Variants in WDFY4 observed in about 807,000 individuals in gnomAD.
WDFY4 encodes the protein WDFY family member 4, also known as WD repeat- and FYVE domain-containing protein 4.
WDFY4 carries 169 observed loss-of-function variants against 351.9 expected under a neutral mutation model. The observed-to-expected ratio is 0.48, with a 90% confidence interval of 0.42 to 0.55. The LOEUF is 0.55. Among genes scored for constraint, WDFY4 ranks in the 20% least tolerant of loss-of-function variants. The pLI is 0.00. For synonymous variants in WDFY4, 1,622 were observed against 1,574.6 expected (o/e 1.03, Z -0.71); for missense variants, 3,803 against 3,935.6 (o/e 0.97, Z 0.90).
intron 1 of WDFY4, among the ~76,000 whole-genome samples, chr10:48,700,994 G>T: frequency 6.6e-6 from 1 of 152,050 alleles, no homozygotes; most frequent in East Asian, 1.9e-4. Flanking sequence ...GTATATTCAC[G>T]TTGTTGTACA....
At chr10:48,876,868 T>C (rs2070034699) in intron 42 of WDFY4, among the ~76,000 whole-genome samples, 165 bp from the exon 43 acceptor site, 1 of 152,190 alleles carries the variant, frequency 6.6e-6, no homozygotes, top group Non-Finnish European at 1.5e-5. Context: ...AGATGTGTGG[T>C]GTCCATTTCC....
chr10:48,795,633 A>C (rs1400353811), intron 23 of WDFY4, among the ~76,000 whole-genome samples: 4 of 151,386 alleles, frequency 2.6e-5, no homozygotes, highest in African/African-American at 9.7e-5. Flanking sequence ...GAGGACAGGG[A>C]GAAAGGGCGG....
intron 35 of WDFY4, among the ~76,000 whole-genome samples, chr10:48,824,530 T>G (rs2067932024): frequency 6.6e-6 from 1 of 152,264 alleles, no homozygotes; most frequent in Non-Finnish European, 1.5e-5. Context: ...CTTTCAACTT[T>G]TTTTAACACA....
chr10:48,836,198 C>A (rs1045959610), intron 39 of WDFY4, among the ~76,000 whole-genome samples: 1 of 152,208 alleles, frequency 6.6e-6, no homozygotes, highest in African/African-American at 2.4e-5. Flanking sequence ...ATTATTACAG[C>A]TGATTACACC....
chr10:48,704,931 C>A (rs930009457), intron 1 of WDFY4, among the ~76,000 whole-genome samples: 3 of 141,762 alleles, frequency 2.1e-5, no homozygotes, highest in Non-Finnish European at 3.1e-5. Flanking sequence ...GTGACCTGTG[C>A]CAAGCTGACT....
At chr10:48,785,259 TTGTTAGATA>T (rs1231177301) in intron 19 of WDFY4, among the ~76,000 whole-genome samples, 2 of 152,144 alleles carry the variant, frequency 1.3e-5, no homozygotes, top group Non-Finnish European at 2.9e-5. Context: ...CACTAGTCCT[TTGTTAGATA>T]TGTGATTTGC....
In WDFY4 at chr10:48,762,967, G is replaced by A. The variant is rs565809407; in HGVS notation, c.2553+2527G>A. Reference sequence around the variant, plus strand: ...TGTGTAGGTGAGAGATGCCTATGGGGAAATATCTTCAAAGATCAGCAGCTG... The same window carrying A: ...TGTGTAGGTGAGAGATGCCTATGGGAAAATATCTTCAAAGATCAGCAGCTG... On this transcript the variant is annotated intron_variant, in intron 13 of 61. Transcript: ENST00000325239. 3.9e-5 allele frequency among the ~76,000 whole-genome samples: 6 copies of A among 152,330 alleles called. No individual in the cohort carries two copies. In the South Asian group the frequency reaches 1.0e-3, roughly 26 times the overall value.
At position 48,760,464 on chromosome 10, in the gene WDFY4, T is replaced by C. The variant is rs900858548; in HGVS notation, c.2553+24T>C. 78 of 1,548,146 alleles carry C rather than the reference T, an allele frequency of 5.0e-5. No individual in the cohort carries two copies. In the Admixed American group the frequency reaches 1.5e-3, roughly 30 times the overall value. ...AGGTACCTGGTGTTGAATATGTGTG[T>C]TTTGTCATCTTCACATGACTGATCT... is the stretch of plus-strand genomic sequence containing the variant. On this transcript the variant is annotated intron_variant, in intron 13 of 61. Coordinates refer to ENST00000325239, the MANE Select transcript of WDFY4 (RefSeq NM_001394531.1).
intron 47 of WDFY4, chr10:48,914,206 A>T (rs1286121703): frequency 1.9e-6 from 3 of 1,556,588 alleles, no homozygotes; most frequent in African/African-American, 2.7e-5. Flanking sequence ...TTGGATAGTG[A>T]TCAGTGTGAG....
chr10:48,832,390 T>A (rs2068219693), intron 38 of WDFY4, among the ~76,000 whole-genome samples, 183 bp from the exon 39 acceptor site: 1 of 152,232 alleles, frequency 6.6e-6, no homozygotes, highest in Admixed American at 6.5e-5. Context: ...AAGCCCACAG[T>A]GTTTCTTAGC....
At chr10:48,954,459 C>T (rs1841489087) in intron 51 of WDFY4, among the ~76,000 whole-genome samples, 2 of 152,240 alleles carry the variant, frequency 1.3e-5, no homozygotes, top group African/African-American at 4.8e-5. Flanking sequence ...ACTTTGTTCC[C>T]TTCCAAGTTC....
chr10:48,773,685 G>C lies in WDFY4; in HGVS notation c.2554-773G>C, dbSNP rs113679743. On this transcript the variant is annotated intron_variant, in intron 13 of 61. Coordinates refer to ENST00000325239, the MANE Select transcript of WDFY4 (RefSeq NM_001394531.1). ...TAGGACTGAGGGACAGGCACAGGAT[G>C]ATGGGAGGGTGGGCGGAGGGAGATG... is the stretch of plus-strand genomic sequence containing the variant. 8.3e-4 allele frequency among the ~76,000 whole-genome samples: 127 copies of C among 152,346 alleles called. 1 individual carries two copies. Among genetic ancestry groups the C allele is most frequent in the African/African-American group, 3.0e-3 (125 of 41,568 alleles).
chr10:48,810,447 G>A lies in WDFY4; in HGVS notation c.4839-83G>A, dbSNP rs1325710905. ...TTAACTTGCCTCTCCTTGGTGACTT[G>A]TAAGGCTGGACATTTCATATTTTCT... On this transcript the variant is annotated intron_variant, in intron 28 of 61. Coordinates refer to ENST00000325239, the MANE Select transcript of WDFY4 (RefSeq NM_001394531.1). 5.1e-6 allele frequency: 7 copies of A among 1,359,908 alleles called. No homozygotes were observed. In the Admixed American group the frequency reaches 1.9e-4, roughly 37 times the overall value. 84.2% of individuals were successfully genotyped at this position (1,359,908 alleles called of 1,614,324 possible). A position where few individuals can be genotyped will look rare whatever the true frequency, so the allele number is the denominator to read the frequency against.
At chr10:48,743,613 C>T (rs774562650) in intron 12 of WDFY4, 65 bp downstream of exon 12, 55 of 1,464,376 alleles carry the variant, frequency 3.8e-5, no homozygotes, top group Admixed American at 6.4e-5. Context: ...TAACGTCTTG[C>T]GCATGTGTAC....
chr10:48,732,441 C>T (rs945314330), intron 9 of WDFY4, among the ~76,000 whole-genome samples: 1 of 152,176 alleles, frequency 6.6e-6, no homozygotes, highest in Non-Finnish European at 1.5e-5. Context: ...TCTCCTTCTC[C>T]CACTGCACTG....
intron 61 of WDFY4, among the ~76,000 whole-genome samples, chr10:48,982,233 C>T (rs1218215866): frequency 6.6e-6 from 1 of 152,334 alleles, no homozygotes; most frequent in South Asian, 2.1e-4. Context: ...CACCTGGAGG[C>T]ACTGGAGAGA....
In WDFY4 at chr10:48,796,355, C is replaced by G; in HGVS notation, c.4315C>G (p.Leu1439Val). Residue 1439 changes from leucine (L) to valine (V), a missense_variant, in exon 24 of 62, where the codon CTG becomes GTG. This residue lies in a region of WDFY4 where 3,054 missense variants were observed against 3,148.6 expected (regional missense o/e 0.97). Coordinates refer to ENST00000325239, the MANE Select transcript of WDFY4 (RefSeq NM_001394531.1). ...ASLLNHRIFQ[L>V]ILSVAGTVEL... ...TCTCCTGAACCATCGAATTTTTCAG[C>G]TGATCCTCTCAGTGGCTGGCACTGT... The G allele has an allele frequency of 6.4e-7, 1 of 1,552,398 alleles. No homozygotes were observed. The highest frequency in any genetic ancestry group is 8.7e-7 in the Non-Finnish European group (1 of 1,147,140).
intron 47 of WDFY4, among the ~76,000 whole-genome samples, chr10:48,904,688 C>T (rs1837527198): frequency 1.3e-5 from 2 of 152,074 alleles, no homozygotes; most frequent in African/African-American, 4.8e-5. Context: ...ACCGTACATG[C>T]TCTATCCCGG....
intron 46 of WDFY4, among the ~76,000 whole-genome samples, chr10:48,900,764 T>A (rs577350055): frequency 2.6e-5 from 4 of 152,222 alleles, no homozygotes; most frequent in Non-Finnish European, 5.9e-5. Flanking sequence ...ATTTCCCACA[T>A]GTGCACTGAA....
Sources: gnomAD v4.1 joint callset for allele counts (sites outside exome capture counted in the v4.1 genomes callset) on GRCh38, gnomAD v4.1.1 for gene constraint, gnomAD v4.1.1 regional missense constraint, MANE v1.5 for transcripts, NCBI Gene and HGNC (gene_info 2026-07-23, HGNC 2026-07-21) for gene names.